MOK: variants seen among roughly 807,000 people sequenced by gnomAD.
MOK encodes MAPK/MAK/MRK overlapping kinase.
Under a neutral mutation model 54.2 loss-of-function variants are expected in MOK, and 59 were observed. The observed-to-expected ratio is 1.09, with a 90% confidence interval of 0.88 to 1.35. MOK has a LOEUF of 1.35. Ranked by LOEUF, MOK falls within the 40% of genes most tolerant of loss-of-function variation. MOK has a pLI of 0.00. For synonymous variants in MOK, 210 were observed against 202.7 expected (o/e 1.04, Z -0.31); for missense variants, 517 against 526.2 (o/e 0.98, Z 0.17).
intron 4 of MOK, among the ~76,000 whole-genome samples, chr14:102,261,240 C>CGA (rs2067368323): frequency 8.1e-6 from 1 of 123,106 alleles, no homozygotes; most frequent in Admixed American, 8.6e-5. Flanking sequence ...GGCAACAGAG[C>CGA]GAGACTCTGC....
intron 2 of MOK, among the ~76,000 whole-genome samples, chr14:102,266,399 G>A (rs1002304666): frequency 2.6e-5 from 4 of 150,960 alleles, no homozygotes; most frequent in African/African-American, 4.9e-5. Flanking sequence ...CAACCTTCCA[G>A]GCTCAGGTGA....
At chr14:102,269,950 G>GT (rs1162712008) in intron 2 of MOK, among the ~76,000 whole-genome samples, 1 of 152,164 alleles carries the variant, frequency 6.6e-6, no homozygotes, top group Non-Finnish European at 1.5e-5. Context: ...TTACAGAACA[G>GT]TATATTCAAC....
At chr14:102,215,286 G>A in the MOK span, among the ~76,000 whole-genome samples, 13 of 152,170 alleles carry the variant, frequency 8.5e-5, no homozygotes, top group Non-Finnish European at 1.5e-4. Flanking sequence ...CGGCTGAGCT[G>A]TGTAGAGGCT....
rs139595237 is a variant in MOK, at chr14:102,297,095, C to T, written c.7+7867G>A. ...TAAATAGGCTGGGCACGGTGACTCA[C>T]GCCTGTAATACCAGCACTTTGGGAG... On this transcript the variant is annotated intron_variant, in intron 1 of 11. Transcript: ENST00000361847. Among the ~76,000 whole-genome samples, 252 of 151,232 alleles carry T rather than the reference C, an allele frequency of 1.7e-3. 1 individual carries two copies. Among genetic ancestry groups the T allele is most frequent in the African/African-American group, 5.9e-3 (241 of 41,182 alleles).
rs1277920265 is a variant in MOK, at chr14:102,251,359, G to A, written c.412-369C>T. 39 of 390,718 alleles carry A rather than the reference G, an allele frequency of 1.0e-4. 2 individuals are homozygous for A. In the Admixed American group the frequency reaches 1.5e-3, roughly 15 times the overall value. The allele number at this position is 390,718 out of a possible 1,614,324, so 24.2% of individuals were successfully genotyped here. A position where few individuals can be genotyped will look rare whatever the true frequency, so the allele number is the denominator to read the frequency against. ...TAGCCACACAGCCTCAGAGGACTCT[G>A]CTGACAGCCAGTGACAGGTGCTGGG... On this transcript the variant is annotated intron_variant, in intron 6 of 11. Transcript: ENST00000361847.
At position 102,229,234 on chromosome 14, in the gene MOK, C is replaced by G; in HGVS notation, c.*55G>C. 5 of 1,515,624 alleles carry G rather than the reference C, an allele frequency of 3.3e-6. No homozygotes were observed. The highest frequency in any genetic ancestry group is 4.5e-6 in the Non-Finnish European group (5 of 1,120,136). 93.9% of individuals were successfully genotyped at this position (1,515,624 alleles called of 1,614,324 possible). ...CGTCTCAGCAGCAGATCACCCAGGC[C>G]TGGCCCGGTCGGGCTTGGTGTTGCC... On this transcript the variant is annotated 3_prime_UTR_variant, in exon 12 of 12. Transcript: ENST00000361847.
At chr14:102,288,024 C>G (rs962412995) in intron 1 of MOK, among the ~76,000 whole-genome samples, 3 of 150,350 alleles carry the variant, frequency 2.0e-5, no homozygotes, top group Non-Finnish European at 4.4e-5. Context: ...TTAGTAGAGA[C>G]GGGGTTTCAC....
chr14:102,286,115 C>T (rs796731474), intron 1 of MOK, among the ~76,000 whole-genome samples: 5 of 148,064 alleles, frequency 3.4e-5, no homozygotes, highest in African/African-American at 1.2e-4. Flanking sequence ...CTGGCTAACA[C>T]GGTGAAACCC....
At chr14:102,257,607 C>T (rs771040781) in intron 4 of MOK, among the ~76,000 whole-genome samples, 3 of 152,276 alleles carry the variant, frequency 2.0e-5, no homozygotes, top group Non-Finnish European at 2.9e-5. Context: ...TAAAAAGATG[C>T]TACTCAAAGC....
chr14:102,286,106 T>C (rs1258558198), intron 1 of MOK, among the ~76,000 whole-genome samples: 1 of 150,190 alleles, frequency 6.7e-6, no homozygotes, highest in Non-Finnish European at 1.5e-5. Context: ...GAGACCATCC[T>C]GGCTAACACG....
At chr14:102,239,440 T>TTCCTCTTACAAAACAGGCCTC (rs1465893626) in intron 7 of MOK, among the ~76,000 whole-genome samples, 38 of 126,818 alleles carry the variant, frequency 3.0e-4, no homozygotes, top group Non-Finnish European at 5.1e-4. Context: ...TCCTTCTGAT[T>TTCCTCTTACAAAACAGGCCTC]CTCAATTAGG....
the MOK span, among the ~76,000 whole-genome samples, chr14:102,215,244 C>T: frequency 1.3e-5 from 2 of 152,202 alleles, no homozygotes; most frequent in Admixed American, 1.3e-4. Flanking sequence ...GTGCCAACTC[C>T]AGTCCGGGAG....
rs981261029 is a variant in MOK at position 102,236,983 on chromosome 14, T to C, written c.591-3194A>G. ...TCCCTAACCCCTCTACACTTCTCTG[T>C]CTCATTCCCTCCAACACCACCTGCT... On this transcript the variant is annotated intron_variant, in intron 7 of 11. Transcript: ENST00000361847. This position sits in a 1 kb window ranked among gnomAD's most constrained non-coding sequence, Gnocchi z 4.5. 1.3e-5 allele frequency among the ~76,000 whole-genome samples: 2 copies of C among 152,142 alleles called. No individual in the cohort carries two copies. Among genetic ancestry groups the C allele is most frequent in the African/African-American group, 4.8e-5 (2 of 41,418 alleles).
intron 1 of MOK, among the ~76,000 whole-genome samples, chr14:102,289,844 T>A (rs2070558975): frequency 6.6e-6 from 1 of 152,146 alleles, no homozygotes; most frequent in Non-Finnish European, 1.5e-5. Flanking sequence ...TAATAATATG[T>A]CTCCATACTG....
Position 102,250,950 on chromosome 14 carries a change from C to T in MOK, c.452G>A (p.Ser151Asn), listed in dbSNP as rs1377439090. ...CGTGTACGGCTGCTTGGAATAGACACTCCGGCAGGAGCCAAAGTCCCCTAA... is the reference window on the plus strand; with the variant it reads ...CGTGTACGGCTGCTTGGAATAGACATTCCGGCAGGAGCCAAAGTCCCCTAA... ...LKLGDFGSCR[S>N]VYSKQPYTEY... is the part of the protein sequence containing the mutation. Residue 151 changes from serine to asparagine, a missense_variant, in exon 7 of 12, where the codon AGT becomes AAT. Coordinates refer to ENST00000361847, the MANE Select transcript of MOK (RefSeq NM_014226.3). 6.2e-7 allele frequency: 1 copy of T among 1,614,092 alleles called. No homozygotes were observed. The highest frequency in any genetic ancestry group is 2.2e-5 in the East Asian group (1 of 44,854).
Position 102,231,807 on chromosome 14 carries a change from C to T in MOK, c.881G>A (p.Arg294Gln), listed in dbSNP as rs747099142. The T allele has an allele frequency of 8.7e-6, 14 of 1,611,412 alleles. No individual in the cohort carries two copies. The highest frequency in any genetic ancestry group is 1.2e-5 in the Non-Finnish European group (14 of 1,178,356). ...AGCTTTTCTGTGGCTGCCCAGAGCC[C>T]GCTTCTCTGTTTTCCTACGGGGAAG... The part of the protein sequence containing the change: ...YFQEQRKTEK[R>Q]ALGSHRKAGF... The change falls in exon 10 of 12, where the codon CGG becomes CAG. Residue 294 changes from arginine (R) to glutamine (Q), a missense_variant. Coordinates refer to ENST00000361847, the MANE Select transcript of MOK (RefSeq NM_014226.3). This position sits in a 1 kb window ranked among gnomAD's most constrained non-coding sequence, Gnocchi z 4.4.
chr14:102,229,121 CG>C lies in MOK; in HGVS notation c.*167del, dbSNP rs1254261948. The C allele has an allele frequency of 3.1e-6, 2 of 645,848 alleles. No homozygotes were observed. Among genetic ancestry groups the C allele is most frequent in the Non-Finnish European group, 2.6e-6 (1 of 387,976 alleles). 40.0% of individuals were successfully genotyped at this position (645,848 alleles called of 1,614,324 possible). A position where few individuals can be genotyped will look rare whatever the true frequency, so the allele number is the denominator to read the frequency against. On this transcript the variant is annotated 3_prime_UTR_variant, in exon 12 of 12. Coordinates refer to ENST00000361847, the MANE Select transcript of MOK (RefSeq NM_014226.3). ...GCCCAGAACATCCTAGGCAGCTGCG[CG>C]GGCCGCGGGTGCGGCAGGGCGCAGG...
At chr14:102,247,982 G>T (rs564374713) in intron 7 of MOK, among the ~76,000 whole-genome samples, 1 of 152,100 alleles carries the variant, frequency 6.6e-6, no homozygotes, top group Non-Finnish European at 1.5e-5. Flanking sequence ...TTACAGGACC[G>T]TATCGGAGCC....
chr14:102,293,701 CAAAAAAAAA>C (rs10598736), intron 1 of MOK, among the ~76,000 whole-genome samples: 4 of 54,610 alleles, frequency 7.3e-5, no homozygotes, highest in Non-Finnish European at 7.2e-5. Flanking sequence ...AACTCCATCA[CAAAAAAAAA>C]AAAAAAAAAA....
Sources: allele counts gnomAD v4.1 joint callset (sites outside exome capture counted in the v4.1 genomes callset), GRCh38; gene constraint gnomAD v4.1.1; non-coding constraint Gnocchi (gnomAD v3.1); transcripts MANE v1.5; gene names NCBI Gene and HGNC (gene_info 2026-07-23, HGNC 2026-07-21).